CNTNAP2: variants seen among roughly 807,000 people sequenced by gnomAD.
CNTNAP2 encodes contactin associated protein 2.
CNTNAP2 carries 98 observed loss-of-function variants against 155.2 expected under a neutral mutation model. The ratio of observed to expected loss-of-function variants is 0.63; its 90% confidence interval spans 0.54 to 0.75. CNTNAP2 has a LOEUF of 0.75. Among genes scored for constraint, CNTNAP2 ranks in the 30% least tolerant of loss-of-function variants. The probability of loss-of-function intolerance (pLI) is 0.00; values close to 1 mark genes in which losing one functional copy is unlikely to be tolerated. For missense variants in CNTNAP2, 1,727 were observed against 1,688.1 expected (o/e 1.02, Z -0.40); for synonymous variants, 651 against 631.2 (o/e 1.03, Z -0.47).
intron 1 of CNTNAP2, among the ~76,000 whole-genome samples, chr7:146,224,227 A>G (rs1005228887): frequency 1.3e-5 from 2 of 152,132 alleles, no homozygotes; most frequent in South Asian, 2.1e-4. Context: ...CTGTAGCACA[A>G]CCTCACATAG....
chr7:146,502,153 A>G (rs1321444883), intron 1 of CNTNAP2, among the ~76,000 whole-genome samples: 1 of 146,988 alleles, frequency 6.8e-6, no homozygotes, highest in East Asian at 2.0e-4. Context: ...TTTCCATCCA[A>G]GTGGCTGCAA....
chr7:147,549,785 G>A (rs1326608262), intron 11 of CNTNAP2, among the ~76,000 whole-genome samples: 1 of 152,132 alleles, frequency 6.6e-6, no homozygotes, highest in Non-Finnish European at 1.5e-5. Flanking sequence ...TCTACATAGA[G>A]GAGTTAATTA....
intron 10 of CNTNAP2, among the ~76,000 whole-genome samples, chr7:147,481,913 A>T (rs757754869): frequency 6.6e-6 from 1 of 152,214 alleles, no homozygotes; most frequent in South Asian, 2.1e-4. Context: ...AAATTAGTTT[A>T]TTAGCGCAAG....
intron 15 of CNTNAP2, among the ~76,000 whole-genome samples, chr7:147,998,327 G>T (rs946972591): frequency 6.6e-6 from 1 of 151,910 alleles, no homozygotes; most frequent in African/African-American, 2.4e-5. Flanking sequence ...TGGCCAGGCT[G>T]GTCTCGATCT....
At chr7:147,253,538 G>A (rs1489385432) in intron 8 of CNTNAP2, among the ~76,000 whole-genome samples, 3 of 152,116 alleles carry the variant, frequency 2.0e-5, no homozygotes, top group Non-Finnish European at 4.4e-5. Flanking sequence ...TCCACATTGG[G>A]AACAGGAAAC....
At chr7:148,177,361 G>A (rs1277904217) in intron 18 of CNTNAP2, among the ~76,000 whole-genome samples, 1 of 152,222 alleles carries the variant, frequency 6.6e-6, no homozygotes, top group Non-Finnish European at 1.5e-5. Flanking sequence ...CGGAGGCAGA[G>A]ATCGGAGTTA....
intron 1 of CNTNAP2, among the ~76,000 whole-genome samples, chr7:146,248,864 T>A (rs1197789093): frequency 2.0e-5 from 3 of 152,134 alleles, no homozygotes; most frequent in Non-Finnish European, 2.9e-5. Flanking sequence ...GTGTGAGCAA[T>A]AAAAGCTTTT....
At chr7:147,918,805 G>A (rs922296943) in intron 14 of CNTNAP2, among the ~76,000 whole-genome samples, 1 of 152,162 alleles carries the variant, frequency 6.6e-6, no homozygotes, top group Non-Finnish European at 1.5e-5. Context: ...GTCAGCCCTG[G>A]GAATGGTGTG....
chr7:147,407,326 G>C (rs1362715152), intron 10 of CNTNAP2, among the ~76,000 whole-genome samples: 1 of 151,626 alleles, frequency 6.6e-6, no homozygotes, highest in Non-Finnish European at 1.5e-5. Flanking sequence ...AAATTAGCCG[G>C]GCGTGGTGGC....
chr7:146,665,736 G>A (rs1265028495), intron 1 of CNTNAP2, among the ~76,000 whole-genome samples: 3 of 125,710 alleles, frequency 2.4e-5, no homozygotes, highest in Admixed American at 8.5e-5. Context: ...AGCCGAGACT[G>A]TGCCATTGCA....
intron 12 of CNTNAP2, among the ~76,000 whole-genome samples, chr7:147,637,445 A>T (rs1355164185): frequency 6.6e-6 from 1 of 152,142 alleles, no homozygotes; most frequent in African/African-American, 2.4e-5. Flanking sequence ...ACCTGAAAGA[A>T]TGGAGTTGCC....
At chr7:147,940,833 C>T (rs1189387003) in intron 14 of CNTNAP2, among the ~76,000 whole-genome samples, 1 of 152,178 alleles carries the variant, frequency 6.6e-6, no homozygotes, top group Non-Finnish European at 1.5e-5. Context: ...GCCATCATAA[C>T]CGGTCCAAGA....
intron 15 of CNTNAP2, among the ~76,000 whole-genome samples, chr7:148,045,398 G>A (rs1358683364): frequency 6.6e-6 from 1 of 152,164 alleles, no homozygotes; most frequent in Non-Finnish European, 1.5e-5. Flanking sequence ...GGTAGTAACT[G>A]TGGCATCTCC....
intron 1 of CNTNAP2, among the ~76,000 whole-genome samples, chr7:146,693,456 T>C (rs1258455361): frequency 6.6e-6 from 1 of 152,152 alleles, no homozygotes; most frequent in Non-Finnish European, 1.5e-5. Context: ...GATTTTCTTA[T>C]TGTACATGTG....
chr7:147,779,354 G>A (rs934299595), intron 13 of CNTNAP2, among the ~76,000 whole-genome samples: 1 of 152,004 alleles, frequency 6.6e-6, no homozygotes, highest in South Asian at 2.1e-4. Flanking sequence ...ATGTTTAAAC[G>A]GTACTTGTAT....
intron 13 of CNTNAP2, among the ~76,000 whole-genome samples, chr7:147,781,750 G>A (rs1475432685): frequency 6.6e-6 from 1 of 152,172 alleles, no homozygotes; most frequent in African/African-American, 2.4e-5. Context: ...CAGGCCGGGC[G>A]CGGTGGCTCA....
intron 18 of CNTNAP2, among the ~76,000 whole-genome samples, chr7:148,175,049 C>A (rs984465996): frequency 5.9e-5 from 9 of 152,096 alleles, no homozygotes; most frequent in Non-Finnish European, 2.9e-5. Context: ...AGAATGATGG[C>A]CTGTAGCTTC....
At chr7:148,025,705 C>T (rs1375416738) in intron 15 of CNTNAP2, among the ~76,000 whole-genome samples, 1 of 152,144 alleles carries the variant, frequency 6.6e-6, no homozygotes. Context: ...TACTTACTTG[C>T]AATAACATAA....
At chr7:147,330,185 A>C (rs1795532283) in intron 9 of CNTNAP2, among the ~76,000 whole-genome samples, 1 of 152,148 alleles carries the variant, frequency 6.6e-6, no homozygotes, top group South Asian at 2.1e-4. Context: ...GCTGGAGATT[A>C]GGCTCTATGA....
Sources: gnomAD v4.1 joint callset for allele counts (sites outside exome capture counted in the v4.1 genomes callset) on GRCh38, gnomAD v4.1.1 for gene constraint, MANE v1.5 for transcripts, NCBI Gene and HGNC (gene_info 2026-07-23, HGNC 2026-07-21) for gene names.